The following ATF7 variants were observed in gnomAD, a reference collection of about 807,000 sequenced individuals.
ATF7 encodes the protein cyclic AMP-dependent transcription factor ATF-7.
ATF7 carries 10 observed loss-of-function variants against 50.4 expected under a neutral mutation model. The ratio of observed to expected loss-of-function variants is 0.20; its 90% CI spans 0.12 to 0.34. The LOEUF (loss-of-function observed/expected upper bound fraction) is 0.34, where lower values mean the gene tolerates loss of function less well. ATF7 is among the 10% of genes least tolerant of loss of function. The probability of loss-of-function intolerance (pLI) is 1.00; values close to 1 mark genes in which losing one functional copy is unlikely to be tolerated. For synonymous variants in ATF7, 201 were observed against 226.4 expected (o/e 0.89, Z 1.01); for missense variants, 465 against 613.9 (o/e 0.76, Z 2.56).
chr12:53,556,185 T>TTA (rs1209497536), intron 2 of ATF7, among the ~76,000 whole-genome samples: 1 of 152,232 alleles, frequency 6.6e-6, no homozygotes, highest in Non-Finnish European at 1.5e-5. Context: ...CAAAATGTAC[T>TTA]TACGATGTTG....
intron 3 of ATF7, among the ~76,000 whole-genome samples, chr12:53,546,246 G>A (rs185577211): frequency 1.3e-5 from 2 of 151,764 alleles, no homozygotes; most frequent in African/African-American, 2.4e-5. Context: ...AAAATTAACC[G>A]GTGTGGTGGT....
At chr12:53,600,913 CACA>C (rs1943372852) in intron 2 of ATF7, 37 bp downstream of exon 2, 1 of 1,601,134 alleles carries the variant, frequency 6.2e-7, no homozygotes, top group Admixed American at 1.7e-5. Flanking sequence ...CACTTTGATT[CACA>C]ACGAGACATT....
intron 2 of ATF7, among the ~76,000 whole-genome samples, chr12:53,588,142 G>A (rs936633633): frequency 3.3e-5 from 5 of 152,004 alleles, no homozygotes; most frequent in African/African-American, 9.7e-5. Flanking sequence ...GAGCCACTGC[G>A]CCCGGCCACT....
At chr12:53,620,403 C>T (rs1233688778) in intron 1 of ATF7, among the ~76,000 whole-genome samples, 8 of 151,118 alleles carry the variant, frequency 5.3e-5, no homozygotes, top group African/African-American at 1.7e-4. Flanking sequence ...GGTGAAACCC[C>T]GTCTCTACTA....
chr12:53,621,585 C>G (rs989136673), intron 1 of ATF7, among the ~76,000 whole-genome samples: 1 of 151,436 alleles, frequency 6.6e-6, no homozygotes, highest in Non-Finnish European at 1.5e-5. Context: ...AGTTCGGGAC[C>G]AGCCTAGCCA....
chr12:53,609,167 T>C (rs141683662), intron 1 of ATF7, among the ~76,000 whole-genome samples: 3 of 151,678 alleles, frequency 2.0e-5, no homozygotes, highest in African/African-American at 7.2e-5. Context: ...CTTTTTTTTT[T>C]TTTTGAGACA....
At chr12:53,558,824 G>A (rs920939542) in intron 2 of ATF7, among the ~76,000 whole-genome samples, 6 of 152,172 alleles carry the variant, frequency 3.9e-5, no homozygotes, top group African/African-American at 1.4e-4. Context: ...CTCCAGAATG[G>A]ACAGGGAAAG....
intron 2 of ATF7, among the ~76,000 whole-genome samples, chr12:53,599,808 G>C (rs1943314633): frequency 6.6e-6 from 1 of 152,160 alleles, no homozygotes; most frequent in African/African-American, 2.4e-5. Flanking sequence ...ATATTCCTAA[G>C]TGAACAGAAA....
intron 1 of ATF7, among the ~76,000 whole-genome samples, chr12:53,614,434 C>T (rs1944026594): frequency 6.6e-6 from 1 of 152,034 alleles, no homozygotes; most frequent in Admixed American, 6.6e-5. Context: ...AACAATAAGC[C>T]AAAAGTAATC....
intron 1 of ATF7, among the ~76,000 whole-genome samples, chr12:53,618,979 G>C (rs1397741182): frequency 6.7e-6 from 1 of 150,334 alleles, no homozygotes; most frequent in Non-Finnish European, 1.5e-5. Context: ...TTGAACCTGG[G>C]AGGCAGAGGT....
chr12:53,576,650 T>C lies in ATF7; in HGVS notation c.49-24013A>G, dbSNP rs565370229. ...AACCAAATCTGCTGGCACCTTGATCTTGAACTTCCTAGCTTCCACAACTGT... is the reference window on the plus strand; with the variant it reads ...AACCAAATCTGCTGGCACCTTGATCCTGAACTTCCTAGCTTCCACAACTGT... On this transcript the variant is annotated intron_variant, in intron 2 of 11. Coordinates refer to ENST00000420353, the MANE Select transcript of ATF7 (RefSeq NM_006856.3). Among the ~76,000 whole-genome samples the C allele has an allele frequency of 1.8e-4, 28 of 152,268 alleles. No individual in the cohort carries two copies. In the South Asian group the frequency reaches 5.4e-3, roughly 29 times the overall value.
chr12:53,517,886 A>G (rs1159664529), intron 11 of ATF7, among the ~76,000 whole-genome samples: 1 of 152,080 alleles, frequency 6.6e-6, no homozygotes, highest in East Asian at 1.9e-4. Flanking sequence ...TTTTCCTAAG[A>G]CTGAGTCTTG....
intron 1 of ATF7, among the ~76,000 whole-genome samples, chr12:53,606,422 A>T (rs1363605687): frequency 6.6e-6 from 1 of 151,930 alleles, no homozygotes; most frequent in Admixed American, 6.6e-5. Flanking sequence ...CTAATTTTGT[A>T]TTTTTAGTAG....
chr12:53,563,889 G>A (rs763140928), intron 2 of ATF7, among the ~76,000 whole-genome samples: 2 of 152,214 alleles, frequency 1.3e-5, no homozygotes, highest in Non-Finnish European at 2.9e-5. Context: ...TCAAATCAGT[G>A]AGAATTAGTG....
At chr12:53,552,440 A>G in intron 3 of ATF7, 101 bp downstream of exon 3, 5 of 907,280 alleles carry the variant, frequency 5.5e-6, no homozygotes, top group Non-Finnish European at 8.8e-6. Flanking sequence ...AAGGGCTCTT[A>G]ATGGGAGAAA....
At chr12:53,561,420 G>C (rs978600226) in intron 2 of ATF7, among the ~76,000 whole-genome samples, 8 of 151,782 alleles carry the variant, frequency 5.3e-5, no homozygotes, top group African/African-American at 1.9e-4. Flanking sequence ...AGCAGGTGAA[G>C]GAAGAAATAA....
intron 1 of ATF7, among the ~76,000 whole-genome samples, chr12:53,625,436 A>G (rs1354762542): frequency 6.6e-6 from 1 of 152,192 alleles, no homozygotes; most frequent in Non-Finnish European, 1.5e-5. Context: ...TACCTAGGCT[A>G]AAGACATGTG....
chr12:53,517,193 T>C lies in ATF7; in HGVS notation c.1396A>G (p.Met466Val), dbSNP rs1937758937. The change falls in exon 12 of 12, where the codon ATG (methionine) becomes GTG (valine). Residue 466 changes from methionine to valine, a missense_variant. Coordinates refer to ENST00000420353, the MANE Select transcript of ATF7 (RefSeq NM_006856.3). The stretch of plus-strand genomic sequence containing the variant: ...ATGATTACATGCGATTGTATCGGCA[T>C]GCTCAGTTCTGTCCTTTGGCTGGCC... Reference protein sequence around the residue: ...QMASQRTELSMPIQSHVIMTP... With the variant: ...QMASQRTELSVPIQSHVIMTP... The C allele has an allele frequency of 1.2e-6, 2 of 1,613,892 alleles. No homozygotes were observed. The highest frequency in any genetic ancestry group is 1.7e-6 in the Non-Finnish European group (2 of 1,179,904).
chr12:53,610,046 A>G (rs1038363851), intron 1 of ATF7, among the ~76,000 whole-genome samples: 1 of 151,560 alleles, frequency 6.6e-6, no homozygotes, highest in African/African-American at 2.4e-5. Context: ...CGAACTCCTG[A>G]CCTCAAGTGA....
Sources: allele counts gnomAD v4.1 joint callset (sites outside exome capture counted in the v4.1 genomes callset), GRCh38; gene constraint gnomAD v4.1.1; transcripts MANE v1.5; gene names NCBI Gene and HGNC (gene_info 2026-07-23, HGNC 2026-07-21).